The following CDC14A variants were observed in gnomAD, a reference collection of about 807,000 sequenced individuals.
CDC14A encodes the protein dual specificity protein phosphatase CDC14A.
In CDC14A, 53 loss-of-function variants were observed where a neutral mutation model predicts 74.4. The ratio of observed to expected loss-of-function variants is 0.71; its 90% CI spans 0.57 to 0.89. The LOEUF is 0.89. CDC14A is among the 40% of genes least tolerant of loss of function. The pLI is 0.00. For synonymous variants in CDC14A, 247 were observed against 258.4 expected (o/e 0.96, Z 0.43); for missense variants, 646 against 713.7 (o/e 0.91, Z 1.08).
upstream of CDC14A, chr1:100,351,631 C>G (rs1651015083): frequency 3.5e-6 from 3 of 856,354 alleles, no homozygotes; most frequent in Non-Finnish European, 5.6e-6. Flanking sequence ...GTTCCCTCCG[C>G]GCCCGCCCAG....
At chr1:100,443,017 T>A in intron 7 of CDC14A, 21 bp downstream of exon 7, 1 of 1,471,008 alleles carries the variant, frequency 6.8e-7, no homozygotes, top group Non-Finnish European at 9.5e-7. Context: ...TTAATTTTTT[T>A]TACAAAACAT....
chr1:100,394,669 A>C (rs1005801745), intron 4 of CDC14A, among the ~76,000 whole-genome samples: 2 of 152,214 alleles, frequency 1.3e-5, no homozygotes, highest in African/African-American at 4.8e-5. Flanking sequence ...CACTAGTTAC[A>C]GTCTTGAGAA....
At chr1:100,496,714 A>T (rs2101430001) in intron 13 of CDC14A, among the ~76,000 whole-genome samples, 1 of 152,328 alleles carries the variant, frequency 6.6e-6, no homozygotes, top group South Asian at 2.1e-4. Context: ...CTTCTGGAGA[A>T]GCTTGAATTG....
At position 100,356,230 on chromosome 1, in the gene CDC14A, C is replaced by A. The variant is rs1570939135; in HGVS notation, c.140+2378C>A. Among the ~76,000 whole-genome samples the A allele has an allele frequency of 1.3e-5, 2 of 152,290 alleles. 1 individual carries two copies. Among genetic ancestry groups the A allele is most frequent in the Admixed American group, 1.3e-4 (2 of 15,296 alleles). On this transcript the variant is annotated intron_variant, in intron 2 of 15. Transcript: ENST00000336454. ...CATGGGACTCTTGAGGGATTTGGGGCAGCCATGGTATGACTTGATTTGTGC... is the reference window on the plus strand; with the variant it reads ...CATGGGACTCTTGAGGGATTTGGGGAAGCCATGGTATGACTTGATTTGTGC...
chr1:100,427,592 A>G (rs1159207658), intron 5 of CDC14A, among the ~76,000 whole-genome samples: 1 of 152,226 alleles, frequency 6.6e-6, no homozygotes, highest in Non-Finnish European at 1.5e-5. Flanking sequence ...CGTTAAAGCA[A>G]ACACCTTGTA....
At chr1:100,475,930 T>C (rs1668848678) in intron 10 of CDC14A, among the ~76,000 whole-genome samples, 1 of 152,176 alleles carries the variant, frequency 6.6e-6, no homozygotes, top group Non-Finnish European at 1.5e-5. Context: ...TTGACACTTC[T>C]GTGGCGAGGG....
chr1:100,479,959 TG>T (rs1315658590), intron 10 of CDC14A, among the ~76,000 whole-genome samples: 48 of 152,344 alleles, frequency 3.2e-4, no homozygotes, highest in African/African-American at 1.1e-3. Flanking sequence ...GATAGAAGAC[TG>T]ACTTTTTAAA....
intron 15 of CDC14A, among the ~76,000 whole-genome samples, chr1:100,505,322 A>G (rs1008882944): frequency 7.1e-6 from 1 of 140,836 alleles, no homozygotes; most frequent in African/African-American, 2.6e-5. Flanking sequence ...AAGACTCTGG[A>G]TGTTTTCCAC....
chr1:100,461,724 T>G (rs1667333867), intron 8 of CDC14A, among the ~76,000 whole-genome samples: 1 of 152,142 alleles, frequency 6.6e-6, no homozygotes, highest in Non-Finnish European at 1.5e-5. Context: ...CACTCAAAAA[T>G]AAAAGGGGAT....
intron 15 of CDC14A, 71 bp downstream of exon 15, chr1:100,499,333 C>T (rs755456667): frequency 5.6e-6 from 9 of 1,613,946 alleles, no homozygotes; most frequent in South Asian, 1.1e-5. Context: ...CCTTCCCAGC[C>T]GAGGCTGCCA....
At chr1:100,431,107 C>G (rs1008402310) in intron 5 of CDC14A, among the ~76,000 whole-genome samples, 3 of 152,170 alleles carry the variant, frequency 2.0e-5, no homozygotes, top group Non-Finnish European at 4.4e-5. Flanking sequence ...AAAAAAGACT[C>G]TTTGTCAGAG....
In CDC14A at chr1:100,430,725, T is replaced by C. The variant is rs376035716; in HGVS notation, c.389+6424T>C. On this transcript the variant is annotated intron_variant, in intron 5 of 15. Transcript: ENST00000336454. ...AACCAGATTTTTATTAGCTTAAATA[T>C]GATATTGTGATTTTTGTCGAAGTTT... Among the ~76,000 whole-genome samples the C allele has an allele frequency of 2.1e-4, 32 of 152,356 alleles. No individual in the cohort carries two copies. The East Asian group carries it at 5.8e-3, about 28-fold the overall frequency.
intron 2 of CDC14A, among the ~76,000 whole-genome samples, chr1:100,357,329 A>G (rs1034472177): frequency 2.0e-5 from 3 of 152,154 alleles, no homozygotes; most frequent in African/African-American, 4.8e-5. Flanking sequence ...AGGTGGAAGT[A>G]CGCAACAAAG....
At chr1:100,487,068 A>G (rs1273070518) in intron 11 of CDC14A, among the ~76,000 whole-genome samples, 5 of 152,188 alleles carry the variant, frequency 3.3e-5, no homozygotes, top group Non-Finnish European at 7.3e-5. Flanking sequence ...ATGTGGGTAA[A>G]AGTCTATGGA....
At chr1:100,354,212 G>C (rs1018848542) in intron 2 of CDC14A, among the ~76,000 whole-genome samples, 2 of 152,114 alleles carry the variant, frequency 1.3e-5, no homozygotes, top group Non-Finnish European at 2.9e-5. Flanking sequence ...GTGGCCATAG[G>C]GTACAGGGCA....
chr1:100,492,864 ATG>A (rs959678597), intron 11 of CDC14A, among the ~76,000 whole-genome samples: 9 of 128,040 alleles, frequency 7.0e-5, no homozygotes, highest in Admixed American at 1.6e-4. Context: ...GTGTGTGTGT[ATG>A]TGTGTGTGTG....
At chr1:100,376,478 A>C (rs545687615) in intron 2 of CDC14A, among the ~76,000 whole-genome samples, 31 of 152,266 alleles carry the variant, frequency 2.0e-4, no homozygotes, top group African/African-American at 7.5e-4. Context: ...TGGGAGAAGC[A>C]AAGTGTTTTT....
chr1:100,453,061 C>T (rs1455444920), intron 7 of CDC14A, among the ~76,000 whole-genome samples: 1 of 152,038 alleles, frequency 6.6e-6, no homozygotes, highest in Non-Finnish European at 1.5e-5. Flanking sequence ...AATTTTTTCT[C>T]AGATTTAGGT....
At chr1:100,472,976 G>A (rs988472974) in intron 10 of CDC14A, among the ~76,000 whole-genome samples, 6 of 151,334 alleles carry the variant, frequency 4.0e-5, no homozygotes, top group African/African-American at 1.5e-4. Flanking sequence ...CCTATATAGT[G>A]AGCCTTAATA....
Sources: gnomAD v4.1 joint callset for allele counts (sites outside exome capture counted in the v4.1 genomes callset) on GRCh38, gnomAD v4.1.1 for gene constraint, MANE v1.5 for transcripts, NCBI Gene and HGNC (gene_info 2026-07-23, HGNC 2026-07-21) for gene names.